SGF29: variants seen among roughly 807,000 people sequenced by gnomAD.
SGF29 encodes the protein SAGA-associated factor 29.
Under a neutral mutation model 38.1 loss-of-function variants are expected in SGF29, and 15 were observed. That is an observed-to-expected ratio of 0.39 (90% CI 0.26 to 0.61). SGF29 has a LOEUF of 0.61. SGF29 is among the 20% of genes least tolerant of loss of function. SGF29 has a pLI of 0.49. For missense variants in SGF29, 184 were observed against 394.6 expected (o/e 0.47, Z 4.52); for synonymous variants, 151 against 160.8 (o/e 0.94, Z 0.46).
At chr16:28,582,324 A>T (rs144093066) in intron 2 of SGF29, among the ~76,000 whole-genome samples, 1 of 152,174 alleles carries the variant, frequency 6.6e-6, no homozygotes, top group Non-Finnish European at 1.5e-5. Flanking sequence ...AAAGGGATGG[A>T]TAGGTGGAGC....
At chr16:28,560,612 A>G (rs1427607961) in intron 1 of SGF29, among the ~76,000 whole-genome samples, 1 of 147,512 alleles carries the variant, frequency 6.8e-6, no homozygotes, top group African/African-American at 2.5e-5. Flanking sequence ...AAAAGAACGA[A>G]AATTTTAAAA....
rs1046522254 is a variant in SGF29 at position 28,554,105 on chromosome 16, G to C, written c.-16+8G>C. On this transcript the variant is annotated splice_region_variant and intron_variant, in intron 1 of 9. Coordinates refer to ENST00000317058, the MANE Select transcript of SGF29 (RefSeq NM_138414.3). ...TGTTTTGTCCCGGACTCGGTAGGTG[G>C]CGACGGGCCGTGGCCTGAGACCTCC... 2.2e-4 allele frequency: 34 copies of C among 152,494 alleles called. No individual in the cohort carries two copies. Among genetic ancestry groups the C allele is most frequent in the African/African-American group, 7.5e-4 (31 of 41,586 alleles). The allele number at this position is 152,494 out of a possible 1,614,324, so 9.4% of individuals were successfully genotyped here. A position where few individuals can be genotyped will look rare whatever the true frequency, so the allele number is the denominator to read the frequency against.
chr16:28,578,817 C>T (rs2046909645), intron 1 of SGF29, among the ~76,000 whole-genome samples: 1 of 152,098 alleles, frequency 6.6e-6, no homozygotes. Flanking sequence ...TGGCGGGTGC[C>T]TGTAATCCCA....
intron 2 of SGF29, among the ~76,000 whole-genome samples, chr16:28,582,276 G>A (rs4788074): frequency 0.31 from 47,698 of 152,106 alleles, 8,266 homozygotes; most frequent in Non-Finnish European, 0.37. Context: ...GAGAGTGAAA[G>A]GATGAGCGGT....
intron 1 of SGF29, among the ~76,000 whole-genome samples, chr16:28,555,638 T>C (rs1296036772): frequency 1.3e-5 from 2 of 152,210 alleles, no homozygotes; most frequent in African/African-American, 4.8e-5. Context: ...AGATTTGCCA[T>C]CTGCAAGCTG....
intron 1 of SGF29, among the ~76,000 whole-genome samples, chr16:28,557,115 C>T (rs2046757539): frequency 6.6e-6 from 1 of 152,102 alleles, no homozygotes; most frequent in South Asian, 2.1e-4. Context: ...TTATTTGAGG[C>T]CTTTTATGCT....
chr16:28,572,301 C>G (rs2046869696), intron 1 of SGF29, among the ~76,000 whole-genome samples: 1 of 136,296 alleles, frequency 7.3e-6, no homozygotes, highest in African/African-American at 2.8e-5. Context: ...TGAGACGGAG[C>G]TCTTGTTGCC....
At position 28,554,003 on chromosome 16, in the gene SGF29, T is replaced by C. The variant is rs2046726468; in HGVS notation, c.-110T>C. 6.6e-6 allele frequency: 1 copy of C among 152,286 alleles called. No homozygotes were observed. Among genetic ancestry groups the C allele is most frequent in the Admixed American group, 6.6e-5 (1 of 15,266 alleles). 9.4% of individuals were successfully genotyped at this position (152,286 alleles called of 1,614,324 possible). On this transcript the variant is annotated 5_prime_UTR_variant, in exon 1 of 10. Coordinates refer to ENST00000317058, the MANE Select transcript of SGF29 (RefSeq NM_138414.3). ...CCGCCAATCTTCGAACGCAGGTCTG[T>C]GATCATCCGCAGACTCCGAAAAAGG...
At chr16:28,588,377 G>A (rs938826221) in intron 4 of SGF29, among the ~76,000 whole-genome samples, 4 of 152,130 alleles carry the variant, frequency 2.6e-5, no homozygotes, top group Non-Finnish European at 5.9e-5. Flanking sequence ...TGACCCTCGG[G>A]CAGACCTGAG....
At position 28,566,813 on chromosome 16, in the gene SGF29, G is replaced by A. The variant is rs554261930; in HGVS notation, c.-16+12716G>A. Among the ~76,000 whole-genome samples, 200 of 152,082 alleles carry A rather than the reference G, an allele frequency of 1.3e-3. 7 individuals carry two copies. Among genetic ancestry groups the A allele is most frequent in the Middle Eastern group, 3.4e-3 (1 of 292 alleles). ...CTCCCAAGTAGCTGGGATTACAGGC[G>A]TGCACCACCACACCCAGATACTTTT... On this transcript the variant is annotated intron_variant, in intron 1 of 9. Transcript: ENST00000317058.
chr16:28,562,903 CAAAAA>C (rs753973229), intron 1 of SGF29, among the ~76,000 whole-genome samples: 5 of 50,888 alleles, frequency 9.8e-5, no homozygotes, highest in Admixed American at 2.6e-4. Context: ...GACCCTGTCT[CAAAAA>C]AAAAAAAAAA....
intron 1 of SGF29, among the ~76,000 whole-genome samples, chr16:28,570,812 A>T (rs895967089): frequency 2.1e-4 from 32 of 151,966 alleles, no homozygotes; most frequent in Non-Finnish European, 1.3e-4. Flanking sequence ...TCCTGACCTC[A>T]AGTGATTCGC....
At chr16:28,566,885 G>C (rs1356320206) in intron 1 of SGF29, among the ~76,000 whole-genome samples, 1 of 152,090 alleles carries the variant, frequency 6.6e-6, no homozygotes, top group African/African-American at 2.4e-5. Flanking sequence ...GGCCAGGCTG[G>C]TCTCAAACTC....
intron 4 of SGF29, among the ~76,000 whole-genome samples, chr16:28,588,888 A>C (rs1202337769): frequency 6.6e-6 from 1 of 151,962 alleles, no homozygotes; most frequent in Non-Finnish European, 1.5e-5. Flanking sequence ...TAGTTTCACC[A>C]TGAGGTTGGT....
intron 1 of SGF29, among the ~76,000 whole-genome samples, chr16:28,575,354 A>G (rs537134640): frequency 4.6e-5 from 7 of 152,356 alleles, no homozygotes; most frequent in Non-Finnish European, 1.0e-4. Flanking sequence ...TGGTCTTCAT[A>G]AAAATTAAAA....
chr16:28,573,071 G>A (rs1398694507), intron 1 of SGF29, among the ~76,000 whole-genome samples: 1 of 152,098 alleles, frequency 6.6e-6, no homozygotes, highest in Non-Finnish European at 1.5e-5. Flanking sequence ...TTTCCCCAAG[G>A]TCCTCAGTGA....
chr16:28,582,245 T>C (rs183591711), intron 2 of SGF29, among the ~76,000 whole-genome samples: 1 of 152,186 alleles, frequency 6.6e-6, no homozygotes, highest in African/African-American at 2.4e-5. Flanking sequence ...GTATTCCAAC[T>C]GTAAACGAAA....
intron 1 of SGF29, among the ~76,000 whole-genome samples, chr16:28,556,131 A>C (rs1451731455): frequency 6.6e-6 from 1 of 152,164 alleles, no homozygotes; most frequent in African/African-American, 2.4e-5. Flanking sequence ...TTGTCTTCTT[A>C]ATGTCTCTTT....
At chr16:28,568,666 G>A (rs976884699) in intron 1 of SGF29, among the ~76,000 whole-genome samples, 3 of 152,146 alleles carry the variant, frequency 2.0e-5, no homozygotes, top group Admixed American at 1.3e-4. Context: ...TGTAATGCCA[G>A]CACTTTGGGA....
Sources: allele counts gnomAD v4.1 joint callset (sites outside exome capture counted in the v4.1 genomes callset), GRCh38; gene constraint gnomAD v4.1.1; transcripts MANE v1.5; gene names NCBI Gene and HGNC (gene_info 2026-07-23, HGNC 2026-07-21).